The following URB1 variants were observed in gnomAD, a reference collection of about 807,000 sequenced individuals.
URB1 encodes the protein URB1 ribosome biogenesis factor, also known as nucleolar pre-ribosomal-associated protein 1.
URB1 carries 197 observed loss-of-function variants against 242.3 expected under a neutral mutation model. The observed-to-expected ratio is 0.81, with a 90% CI of 0.72 to 0.91. The LOEUF (loss-of-function observed/expected upper bound fraction) is 0.91, where lower values mean the gene tolerates loss of function less well. URB1 is among the 40% of genes least tolerant of loss of function. The pLI, the probability that URB1 is intolerant of heterozygous loss-of-function variation, is 0.00. For synonymous variants in URB1, 1,153 were observed against 1,201.8 expected (o/e 0.96, Z 0.84); for missense variants, 2,721 against 2,860.5 (o/e 0.95, Z 1.11).
chr21:32,317,062 A>G lies in URB1; in HGVS notation c.6038T>C (p.Met2013Thr). The G allele has an allele frequency of 6.5e-7, 1 of 1,529,396 alleles. No individual in the cohort carries two copies. Among genetic ancestry groups the G allele is most frequent in the Non-Finnish European group, 8.8e-7 (1 of 1,138,104 alleles). The allele number at this position is 1,529,396 out of a possible 1,614,324, so 94.7% of individuals were successfully genotyped here. Residue 2013 changes from methionine to threonine, a missense_variant, in exon 38 of 39, where the codon ATG becomes ACG. Met to Thr is a moderately conservative substitution (Grantham distance 81, BLOSUM62 -1). Transcript: ENST00000382751. ...GACAGGCTTGTTCTTATCCTTGAGCATTTCTGTTAAATGCACAAAGAGAAG... is the reference window on the plus strand; with the variant it reads ...GACAGGCTTGTTCTTATCCTTGAGCGTTTCTGTTAAATGCACAAAGAGAAG... ...EKAQARELMK[M>T]LKDKNKPVMP...
rs58921441 is a variant in URB1 at position 32,373,166 on chromosome 21, G to A, written c.876+481C>T. On this transcript the variant is annotated intron_variant, in intron 7 of 38. Coordinates refer to ENST00000382751, the MANE Select transcript of URB1 (RefSeq NM_014825.3). Reference sequence around the variant, plus strand: ...AAGAGCAGCTGTTTCAATTTAGCACGAGTTAACTAGCACAAAATAAATTAT... The same window carrying A: ...AAGAGCAGCTGTTTCAATTTAGCACAAGTTAACTAGCACAAAATAAATTAT... Among the ~76,000 whole-genome samples, 752 of 152,240 alleles carry A rather than the reference G, an allele frequency of 4.9e-3. 6 individuals carry two copies. The highest frequency in any genetic ancestry group is 0.017 in the African/African-American group (691 of 41,538).
intron 9 of URB1, 93 bp from the exon 10 acceptor site, chr21:32,366,848 C>T (rs2123605159): frequency 7.3e-7 from 1 of 1,367,574 alleles, no homozygotes. Flanking sequence ...GCCATTCAAT[C>T]AAATAATTAT....
Position 32,323,060 on chromosome 21 carries a change from G to A in URB1, c.5234-476C>T, listed in dbSNP as rs369343811. Among the ~76,000 whole-genome samples the A allele has an allele frequency of 2.0e-5, 3 of 152,288 alleles. No individual in the cohort carries two copies. In the South Asian group the frequency reaches 6.2e-4, roughly 32 times the overall value. ...GAGGGCAACGGACACCCTAGCTCCT[G>A]CTACCTCCTATCCTTGGATCACCAA... On this transcript the variant is annotated intron_variant, in intron 32 of 38. Transcript: ENST00000382751.
Position 32,313,452 on chromosome 21 carries a change from A to G in URB1, c.*1466T>C, listed in dbSNP as rs1180493480. The G allele has an allele frequency of 1.3e-5, 2 of 152,260 alleles. No homozygotes were observed. The highest frequency in any genetic ancestry group is 2.9e-5 in the Non-Finnish European group (2 of 68,058). 9.4% of individuals were successfully genotyped at this position (152,260 alleles called of 1,614,324 possible). A position where few individuals can be genotyped will look rare whatever the true frequency, so the allele number is the denominator to read the frequency against. On this transcript the variant is annotated 3_prime_UTR_variant, in exon 39 of 39. Transcript: ENST00000382751. ...CTAAACGTGGGATTTCAAGTTCAGG[A>G]TAGTCTCAAAGAATAGCGTTGTAAG... is the stretch of plus-strand genomic sequence containing the variant.
At chr21:32,343,745 G>A (rs1307141981) in intron 24 of URB1, among the ~76,000 whole-genome samples, 1 of 152,128 alleles carries the variant, frequency 6.6e-6, no homozygotes, top group Admixed American at 6.5e-5. Context: ...TGGATGGAGA[G>A]GAATAATGGC....
intron 28 of URB1, among the ~76,000 whole-genome samples, chr21:32,335,890 C>T (rs538230422): frequency 2.6e-4 from 39 of 152,346 alleles, no homozygotes; most frequent in Middle Eastern, 3.4e-3. Context: ...CGCTCTTCCC[C>T]GGCAGCTGAA....
Position 32,352,705 on chromosome 21 carries a change from C to G in URB1, c.2613+5G>C. 6.4e-7 allele frequency: 1 copy of G among 1,550,784 alleles called. No individual in the cohort carries two copies. The highest frequency in any genetic ancestry group is 8.7e-7 in the Non-Finnish European group (1 of 1,146,862). On this transcript the variant is annotated splice_donor_5th_base_variant and intron_variant, in intron 19 of 38. Transcript: ENST00000382751. ...GCAGTGACCACAGCTGTGGCTGCAG[C>G]TCACCCAGGCCTCTCGGGCTTGCTC...
At chr21:32,347,959 C>T in intron 21 of URB1, 148 bp from the exon 22 acceptor site, 1 of 1,327,740 alleles carries the variant, frequency 7.5e-7, no homozygotes. Flanking sequence ...GCCTACATTT[C>T]CATGCCCCCC....
intron 6 of URB1, 73 bp downstream of exon 6, chr21:32,375,325 T>C (rs1409604088): frequency 7.1e-6 from 7 of 981,308 alleles, no homozygotes; most frequent in Non-Finnish European, 8.9e-6. Context: ...TCTACAGTCC[T>C]GTAAAACACC....
chr21:32,322,412 T>G, intron 33 of URB1, 66 bp downstream of exon 33: 1 of 1,384,446 alleles, frequency 7.2e-7, no homozygotes, highest in South Asian at 1.2e-5. Flanking sequence ...AATGTCAGAA[T>G]GACAACGGTG....
intron 17 of URB1, 106 bp downstream of exon 17, chr21:32,354,753 G>A: frequency 7.2e-7 from 1 of 1,397,438 alleles, no homozygotes; most frequent in Non-Finnish European, 9.5e-7. Context: ...GGGACTGTGT[G>A]CACTTGGCCT....
intron 25 of URB1, among the ~76,000 whole-genome samples, chr21:32,339,875 C>T (rs533219900): frequency 6.6e-6 from 1 of 152,326 alleles, no homozygotes; most frequent in South Asian, 2.1e-4. Flanking sequence ...AACAGCTGCG[C>T]CTGAGAAAGA....
chr21:32,373,160 T>C (rs2033423877), intron 7 of URB1, among the ~76,000 whole-genome samples: 2 of 152,210 alleles, frequency 1.3e-5, no homozygotes, highest in Admixed American at 1.3e-4. Context: ...TGTTTCAATT[T>C]AGCACGAGTT....
At chr21:32,377,053 T>C (rs2033467177) in intron 5 of URB1, 4 of 402,502 alleles carry the variant, frequency 9.9e-6, no homozygotes, top group Admixed American at 9.3e-5. Context: ...AGAAGACCCA[T>C]TTCCAGCTAA....
At chr21:32,391,223 C>CG (rs889105898) in intron 1 of URB1, among the ~76,000 whole-genome samples, 5 of 29,034 alleles carry the variant, frequency 1.7e-4, no homozygotes, top group Non-Finnish European at 3.7e-4. Context: ...GTTGTCGGGT[C>CG]GGGGGGAGGG....
At chr21:32,377,027 T>C (rs2123617031) in intron 5 of URB1, among the ~76,000 whole-genome samples, 1 of 152,308 alleles carries the variant, frequency 6.6e-6, no homozygotes, top group East Asian at 1.9e-4. Flanking sequence ...AGCCAATCCC[T>C]TACTGGTGGA....
chr21:32,318,596 T>C (rs1323886415), intron 36 of URB1, among the ~76,000 whole-genome samples: 1 of 152,236 alleles, frequency 6.6e-6, no homozygotes, highest in African/African-American at 2.4e-5. Flanking sequence ...TACAATCCTC[T>C]TGCTACCAAC....
At chr21:32,391,375 AAAAAG>A (rs2033636629) in intron 1 of URB1, among the ~76,000 whole-genome samples, 2 of 152,000 alleles carry the variant, frequency 1.3e-5, no homozygotes, top group South Asian at 4.2e-4. Context: ...TGATTAAAAA[AAAAAG>A]AAAAGAAAAG....
rs137886691 is a variant in URB1 at position 32,380,002 on chromosome 21, G to A, written c.568-1461C>T. Among the ~76,000 whole-genome samples the A allele has an allele frequency of 2.5e-3, 379 of 151,886 alleles. 1 individual carries two copies. Among genetic ancestry groups the A allele is most frequent in the African/African-American group, 8.7e-3 (360 of 41,430 alleles). ...TCAAAAAAAAAAAAAAATTTCACTC[G>A]AGGTCACACAGCTAATTAAGTACCA... On this transcript the variant is annotated intron_variant, in intron 4 of 38. Coordinates refer to ENST00000382751, the MANE Select transcript of URB1 (RefSeq NM_014825.3).
Sources: allele counts gnomAD v4.1 joint callset (sites outside exome capture counted in the v4.1 genomes callset), GRCh38; gene constraint gnomAD v4.1.1; transcripts MANE v1.5; gene names NCBI Gene and HGNC (gene_info 2026-07-23, HGNC 2026-07-21).